Variants in TMEM70 observed in about 807,000 individuals in gnomAD.
TMEM70 encodes the protein transmembrane protein 70, mitochondrial.
A neutral mutation model predicts 20.5 loss-of-function variants in TMEM70; 15 were observed. The observed-to-expected ratio is 0.73, with a 90% CI of 0.49 to 1.13. The LOEUF (loss-of-function observed/expected upper bound fraction) is 1.13. TMEM70 is among the 50% of genes most tolerant of loss of function. The pLI is 0.00. For missense variants in TMEM70, 344 were observed against 331.7 expected, an observed-to-expected ratio of 1.04 and a Z score of -0.29; for synonymous variants, 141 against 134.2, an observed-to-expected ratio of 1.05 and a Z score of -0.35.
At chr8:73,978,931 A>G in intron 2 of TMEM70, 70 bp downstream of exon 2, 1 of 1,566,518 alleles carries the variant, frequency 6.4e-7, no homozygotes, top group Non-Finnish European at 8.7e-7. Context: ...TCCTTACCAT[A>G]TCTTACTTGT....
In TMEM70 at chr8:73,976,222, G is replaced by A; in HGVS notation, c.-60G>A. The A allele has an allele frequency of 1.4e-6, 2 of 1,480,202 alleles. No homozygotes were observed. Among genetic ancestry groups the A allele is most frequent in the Non-Finnish European group, 1.8e-6 (2 of 1,084,278 alleles). The allele number at this position is 1,480,202 out of a possible 1,614,324, so 91.7% of individuals were successfully genotyped here. A position where few individuals can be genotyped will look rare whatever the true frequency, so the allele number is the denominator to read the frequency against. Reference sequence around the variant, plus strand: ...TTGTGCGGCAGTCGGGTGGGAAGCCGTGTCTCGCAGTCGTGGACTCGTGCA... The same window carrying A: ...TTGTGCGGCAGTCGGGTGGGAAGCCATGTCTCGCAGTCGTGGACTCGTGCA... On this transcript the variant is annotated 5_prime_UTR_variant, in exon 1 of 3. The change creates a new upstream start codon in the 5' untranslated region. Transcript: ENST00000312184.
In TMEM70 at chr8:73,982,112, C is replaced by A. The variant is rs1281911111; in HGVS notation, c.*491C>A. 2.0e-6 allele frequency: 1 copy of A among 491,052 alleles called. No homozygotes were observed. The highest frequency in any genetic ancestry group is 1.5e-5 in the South Asian group (1 of 67,990). The allele number at this position is 491,052 out of a possible 1,614,324, so 30.4% of individuals were successfully genotyped here. A position where few individuals can be genotyped will look rare whatever the true frequency, so the allele number is the denominator to read the frequency against. ...GTCTGTCAGGAAGCTGGCTAGGAAG[C>A]CTTGCAGCAGCCATGGCTTTTAAAC... On this transcript the variant is annotated 3_prime_UTR_variant, in exon 3 of 3. Transcript: ENST00000312184.
At chr8:73,979,230 T>C (rs1293880469) in intron 2 of TMEM70, 3 of 354,466 alleles carry the variant, frequency 8.5e-6, no homozygotes, top group Admixed American at 3.7e-5. Context: ...GGTTTCACCA[T>C]GTTGGTCAGG....
rs755032730 is a variant in TMEM70 at position 73,982,374 on chromosome 8, A to G, written c.*753A>G. 1.4e-6 allele frequency: 1 copy of G among 726,520 alleles called. No homozygotes were observed. Among genetic ancestry groups the G allele is most frequent in the East Asian group, 3.0e-5 (1 of 33,396 alleles). The allele number at this position is 726,520 out of a possible 1,614,324, so 45.0% of individuals were successfully genotyped here. On this transcript the variant is annotated 3_prime_UTR_variant, in exon 3 of 3. Transcript: ENST00000312184. ...GATCGTTTCCAGATGAGAATCCACA[A>G]GCGACTCATTGACTTGCGCAGTCCT... is the stretch of plus-strand genomic sequence containing the variant.
intron 2 of TMEM70, among the ~76,000 whole-genome samples, chr8:73,979,888 A>G (rs546734196): frequency 2.0e-4 from 31 of 152,190 alleles, no homozygotes; most frequent in African/African-American, 7.2e-4. Flanking sequence ...TTGGCTAATT[A>G]AAAAAAATTT....
In TMEM70 at chr8:73,981,249, T is replaced by G; in HGVS notation, c.411T>G (p.Pro137=). 4 of 1,614,210 alleles carry G rather than the reference T, an allele frequency of 2.5e-6. No individual in the cohort carries two copies. Among genetic ancestry groups the G allele is most frequent in the Non-Finnish European group, 3.4e-6 (4 of 1,180,028 alleles). The change falls in exon 3 of 3, where the codon CCT becomes CCG. Residue 137 remains proline (P), a synonymous_variant. Transcript: ENST00000312184. Reference sequence around the variant, plus strand: ...ATAATGCTATTTCTGAAAGTGTGCCTCTGCCTATTCAAATCATATTCTATG... The same window carrying G: ...ATAATGCTATTTCTGAAAGTGTGCCGCTGCCTATTCAAATCATATTCTATG... ...TQNNAISESV[P]LPIQIIFYGI... is the part of the protein sequence containing the mutation.
At chr8:73,981,042 T>C (rs927671216) in intron 2 of TMEM70, 113 bp from the exon 3 acceptor site, 25 of 871,588 alleles carry the variant, frequency 2.9e-5, no homozygotes, top group Non-Finnish European at 4.2e-5. Context: ...TATGGTTTGA[T>C]TTTGTTGTCT....
chr8:73,976,508 C>G lies in TMEM70; in HGVS notation c.210+17C>G. On this transcript the variant is annotated intron_variant, in intron 1 of 2. Coordinates refer to ENST00000312184, the MANE Select transcript of TMEM70 (RefSeq NM_017866.6). ...CGAGCGCAGGTAGGGCGTCCGAGGTCTGGTGTCCCAAGTGAGGCGGGGAGG... is the reference window on the plus strand; with the variant it reads ...CGAGCGCAGGTAGGGCGTCCGAGGTGTGGTGTCCCAAGTGAGGCGGGGAGG... 6.6e-7 allele frequency: 1 copy of G among 1,508,462 alleles called. No individual in the cohort carries two copies. The highest frequency in any genetic ancestry group is 1.4e-5 in the African/African-American group (1 of 72,132). 93.4% of individuals were successfully genotyped at this position (1,508,462 alleles called of 1,614,324 possible). A position where few individuals can be genotyped will look rare whatever the true frequency, so the allele number is the denominator to read the frequency against.
chr8:73,982,680 GTGT>G lies in TMEM70; in HGVS notation c.*1063_*1065del. On this transcript the variant is annotated 3_prime_UTR_variant, in exon 3 of 3. Coordinates refer to ENST00000312184, the MANE Select transcript of TMEM70 (RefSeq NM_017866.6). The stretch of plus-strand genomic sequence containing the variant: ...TTAGCTATACGGGAAATGGTAAGTA[GTGT>G]TGTCTTCAGTATCTTAATTTGTTTC... The G allele has an allele frequency of 2.2e-6, 1 of 460,678 alleles. No homozygotes were observed. The allele number at this position is 460,678 out of a possible 1,614,324, so 28.5% of individuals were successfully genotyped here.
chr8:73,980,650 G>T (rs1340726315), intron 2 of TMEM70, among the ~76,000 whole-genome samples: 1 of 152,198 alleles, frequency 6.6e-6, no homozygotes, highest in Non-Finnish European at 1.5e-5. Flanking sequence ...TTACAGGCAT[G>T]AGCCAATGCG....
intron 2 of TMEM70, among the ~76,000 whole-genome samples, chr8:73,979,350 G>A (rs1348201187): frequency 1.3e-5 from 2 of 152,072 alleles, no homozygotes; most frequent in African/African-American, 2.4e-5. Flanking sequence ...TTAATATTTC[G>A]AAGGGGTAAC....
chr8:73,981,036 G>T (rs917324781), intron 2 of TMEM70, 119 bp from the exon 3 acceptor site: 1 of 826,526 alleles, frequency 1.2e-6, no homozygotes, highest in Non-Finnish European at 2.0e-6. Flanking sequence ...TGTATTTATG[G>T]TTTGATTTTG....
rs762569781 is a variant in TMEM70, at chr8:73,982,460, A to G, written c.*839A>G. 9 of 791,920 alleles carry G rather than the reference A, an allele frequency of 1.1e-5. No individual in the cohort carries two copies. The highest frequency in any genetic ancestry group is 3.8e-4 in the Middle Eastern group (1 of 2,610). 49.1% of individuals were successfully genotyped at this position (791,920 alleles called of 1,614,324 possible). The stretch of plus-strand genomic sequence containing the variant: ...GCCAGGAGTTGAGATGGAAGTCACC[A>G]TTGCAAATGCTTAAGTCAACTGTTT... On this transcript the variant is annotated 3_prime_UTR_variant, in exon 3 of 3. Coordinates refer to ENST00000312184, the MANE Select transcript of TMEM70 (RefSeq NM_017866.6).
Position 73,978,059 on chromosome 8 carries a change from C to T in TMEM70, c.211-697C>T, listed in dbSNP as rs542169149. On this transcript the variant is annotated intron_variant, in intron 1 of 2. Transcript: ENST00000312184. ...TTATTTGGGAGAATTCCTTATGTCA[C>T]CTCATGTGACAAGTTCTTTTCATTA... Among the ~76,000 whole-genome samples, 107 of 152,196 alleles carry T rather than the reference C, an allele frequency of 7.0e-4. 2 individuals carry two copies. The highest frequency in any genetic ancestry group is 6.8e-3 in the Middle Eastern group (2 of 294).
chr8:73,978,920 A>T, intron 2 of TMEM70, 59 bp downstream of exon 2: 1 of 1,589,678 alleles, frequency 6.3e-7, no homozygotes, highest in Admixed American at 1.7e-5. Flanking sequence ...TTGTAAAAAT[A>T]TCCTTACCAT....
chr8:73,976,584 C>T (rs979814392), intron 1 of TMEM70, 93 bp downstream of exon 1: 69 of 1,257,064 alleles, frequency 5.5e-5, no homozygotes, highest in Non-Finnish European at 7.0e-5. Context: ...CGCGACCTCT[C>T]CCAGGTGTCC....
In TMEM70 at chr8:73,982,453, A is replaced by G; in HGVS notation, c.*832A>G. ...GTATTGAGCCAGGAGTTGAGATGGA[A>G]GTCACCATTGCAAATGCTTAAGTCA... On this transcript the variant is annotated 3_prime_UTR_variant, in exon 3 of 3. Transcript: ENST00000312184. 1 of 802,306 alleles carries G rather than the reference A, an allele frequency of 1.2e-6. No homozygotes were observed. The highest frequency in any genetic ancestry group is 2.1e-6 in the Non-Finnish European group (1 of 477,094). The allele number at this position is 802,306 out of a possible 1,614,324, so 49.7% of individuals were successfully genotyped here.
rs753730153 is a variant in TMEM70 at position 73,981,355 on chromosome 8, G to A, written c.517G>A (p.Glu173Lys). ...TKGYVIRLYH[E>K]ATTDTYKAIT... is the part of the protein sequence containing the mutation. Reference sequence around the variant, plus strand: ...AGGCTATGTCATTCGATTGTACCATGAGGCCACAACAGACACTTATAAAGC... The same window carrying A: ...AGGCTATGTCATTCGATTGTACCATAAGGCCACAACAGACACTTATAAAGC... The change falls in exon 3 of 3, where the codon GAG becomes AAG. Residue 173 changes from glutamate to lysine, a missense_variant. Glu to Lys is a moderately conservative substitution (Grantham distance 56). Coordinates refer to ENST00000312184, the MANE Select transcript of TMEM70 (RefSeq NM_017866.6). The A allele has an allele frequency of 1.9e-6, 3 of 1,614,162 alleles. No homozygotes were observed. In the South Asian group the frequency reaches 3.3e-5, roughly 18 times the overall value.
rs1815809393 is a variant in TMEM70, at chr8:73,981,772, TAAAA to T, written c.*152_*155del. 2.6e-6 allele frequency: 2 copies of T among 767,334 alleles called. No individual in the cohort carries two copies. The highest frequency in any genetic ancestry group is 2.9e-5 in the South Asian group (2 of 67,840). The allele number at this position is 767,334 out of a possible 1,614,324, so 47.5% of individuals were successfully genotyped here. A position where few individuals can be genotyped will look rare whatever the true frequency, so the allele number is the denominator to read the frequency against. On this transcript the variant is annotated 3_prime_UTR_variant, in exon 3 of 3. Transcript: ENST00000312184. ...TCCAGAGAATGATGTTTGTTTATAA[TAAAA>T]CAAGCTATGTTTGAAAACCAAAATG...
Sources: gnomAD v4.1 joint callset for allele counts (sites outside exome capture counted in the v4.1 genomes callset) on GRCh38, gnomAD v4.1.1 for gene constraint, MANE v1.5 for transcripts, NCBI Gene and HGNC (gene_info 2026-07-23, HGNC 2026-07-21) for gene names.